Variants in AFF2 observed in about 807,000 individuals in gnomAD.
AFF2 encodes the protein ALF transcription elongation factor 2.
A neutral mutation model predicts 76.9 loss-of-function variants in AFF2; 14 were observed. The ratio of observed to expected loss-of-function variants is 0.18; its 90% confidence interval spans 0.12 to 0.28. The LOEUF (loss-of-function observed/expected upper bound fraction) is 0.28. AFF2 is among the 10% of genes least tolerant of loss of function. The probability of loss-of-function intolerance (pLI) is 1.00; values close to 1 mark genes in which losing one functional copy is unlikely to be tolerated. For synonymous variants in AFF2, 398 were observed against 366.7 expected, an observed-to-expected ratio of 1.09 and a Z score of -0.98; for missense variants, 868 against 1,001.1, an observed-to-expected ratio of 0.87 and a Z score of 1.79.
chrX:148,967,571 G>C (rs2124388025), intron 14 of AFF2, 58 bp from the exon 15 acceptor site: 1 of 1,040,398 alleles, frequency 9.6e-7, no homozygotes, highest in East Asian at 3.0e-5. Context: ...TGATGATTCA[G>C]TCTTTTACTG....
chrX:148,804,118 G>A (rs1557271137), intron 3 of AFF2, among the ~76,000 whole-genome samples: 1 of 111,816 alleles, frequency 8.9e-6, no homozygotes, highest in Non-Finnish European at 1.9e-5. Flanking sequence ...AAGTGCTGAT[G>A]GAGACTTAAC....
chrX:148,912,709 A>G (rs1233234362), intron 9 of AFF2, among the ~76,000 whole-genome samples: 1 of 112,145 alleles, frequency 8.9e-6, no homozygotes, highest in African/African-American at 3.2e-5. Context: ...TGTGGCTCCT[A>G]TGTCTCTTTT....
chrX:148,556,656 T>A (rs2053055611), intron 1 of AFF2, among the ~76,000 whole-genome samples: 1 of 112,501 alleles, frequency 8.9e-6, no homozygotes, highest in South Asian at 3.6e-4. Context: ...AGATAAGAAG[T>A]TGACTTGCTA....
chrX:148,711,359 G>A (rs966952332), intron 3 of AFF2, among the ~76,000 whole-genome samples: 5 of 111,800 alleles, frequency 4.5e-5, no homozygotes, highest in Non-Finnish European at 9.4e-5. Flanking sequence ...ACATTATTAT[G>A]TATGACAGAC....
At chrX:148,637,130 A>G (rs1259359608) in intron 1 of AFF2, among the ~76,000 whole-genome samples, 4 of 111,987 alleles carry the variant, frequency 3.6e-5, no homozygotes, top group East Asian at 2.8e-4. Context: ...GTGATGCTCA[A>G]TTGGGTCTTA....
intron 1 of AFF2, among the ~76,000 whole-genome samples, chrX:148,588,503 T>A (rs781900607): frequency 2.0e-4 from 22 of 111,984 alleles, no homozygotes; most frequent in African/African-American, 6.8e-4. Flanking sequence ...GTTTGCGGAG[T>A]CGTTCAGTGA....
rs140911348 is a variant in AFF2 at position 148,977,614 on chromosome X, G to GACACAC, written c.3405-280_3405-275dup. On this transcript the variant is annotated intron_variant, in intron 16 of 20. Transcript: ENST00000370460. ...AGAAACAGTATTTTACCAGCATTTA[G>GACACAC]ACACACACACACACACACACACACA... Among the ~76,000 whole-genome samples the GACACAC allele has an allele frequency of 6.7e-3, 624 of 92,726 alleles. 7 individuals carry two copies. The highest frequency in any genetic ancestry group is 0.024 in the African/African-American group (592 of 24,613). 80.5% of individuals were successfully genotyped at this position (92,726 alleles called of 115,157 possible).
intron 9 of AFF2, among the ~76,000 whole-genome samples, chrX:148,943,828 A>C (rs1283755661): frequency 1.8e-5 from 2 of 111,927 alleles, no homozygotes; most frequent in African/African-American, 6.5e-5. Flanking sequence ...CATTTTACAG[A>C]ATATGTGGTT....
intron 1 of AFF2, among the ~76,000 whole-genome samples, chrX:148,503,047 C>T (rs1008853219): frequency 8.9e-6 from 1 of 112,245 alleles, no homozygotes; most frequent in South Asian, 3.7e-4. Flanking sequence ...TAGACTTGGA[C>T]ACTTCGTGAA....
intron 3 of AFF2, among the ~76,000 whole-genome samples, chrX:148,804,609 C>T (rs2070103078): frequency 8.9e-6 from 1 of 112,322 alleles, no homozygotes; most frequent in Non-Finnish European, 1.9e-5. Context: ...AAAAACTGGC[C>T]AGAAGCAGTA....
intron 3 of AFF2, among the ~76,000 whole-genome samples, chrX:148,695,612 A>C (rs1402135069): frequency 8.9e-6 from 1 of 112,515 alleles, no homozygotes; most frequent in Non-Finnish European, 1.9e-5. Context: ...ATAAACATAA[A>C]AAAGAAAAAA....
At chrX:148,573,865 G>A (rs1212265727) in intron 1 of AFF2, among the ~76,000 whole-genome samples, 1 of 111,238 alleles carries the variant, frequency 9.0e-6, no homozygotes, top group African/African-American at 3.3e-5. Context: ...AGTATTAGCG[G>A]TCATGTTCCG....
intron 3 of AFF2, among the ~76,000 whole-genome samples, chrX:148,698,369 A>G (rs2054746323): frequency 8.9e-6 from 1 of 112,476 alleles, no homozygotes; most frequent in Admixed American, 9.4e-5. Flanking sequence ...GTGGCTTGTA[A>G]TAAAATAGCC....
chrX:148,539,797 A>C (rs1419249406), intron 1 of AFF2, among the ~76,000 whole-genome samples: 1 of 111,491 alleles, frequency 9.0e-6, no homozygotes, highest in Non-Finnish European at 1.9e-5. Context: ...ATCTAGATTT[A>C]GTAAGCCCTA....
At chrX:148,761,956 TATATAGATATAG>T (rs56137519) in intron 3 of AFF2, among the ~76,000 whole-genome samples, 14,037 of 99,429 alleles carry the variant, frequency 0.14, 950 homozygotes, top group Non-Finnish European at 0.16. Flanking sequence ...TGTATGTGTG[TATATAGATATAG>T]ATATAGATAT....
At chrX:148,583,876 A>C (rs1223228016) in intron 1 of AFF2, among the ~76,000 whole-genome samples, 1 of 112,012 alleles carries the variant, frequency 8.9e-6, no homozygotes, top group Non-Finnish European at 1.9e-5. Flanking sequence ...GACACTATGG[A>C]AAGAAGCCTA....
At chrX:148,942,316 G>A (rs2071846259) in intron 9 of AFF2, among the ~76,000 whole-genome samples, 1 of 109,980 alleles carries the variant, frequency 9.1e-6, no homozygotes, top group African/African-American at 3.3e-5. Context: ...ATAACAATCA[G>A]AAATAAAACT....
intron 1 of AFF2, among the ~76,000 whole-genome samples, chrX:148,605,909 ATC>A (rs1280618986): frequency 8.9e-6 from 1 of 112,160 alleles, no homozygotes; most frequent in Non-Finnish European, 1.9e-5. Flanking sequence ...GAATATCAAA[ATC>A]TATGGATGAA....
chrX:148,743,410 G>C (rs2055384133), intron 3 of AFF2, among the ~76,000 whole-genome samples: 1 of 112,052 alleles, frequency 8.9e-6, no homozygotes, highest in African/African-American at 3.2e-5. Context: ...TTTAAATATA[G>C]CATAGGAGCT....
Sources: gnomAD v4.1 joint callset for allele counts (sites outside exome capture counted in the v4.1 genomes callset) on GRCh38, gnomAD v4.1.1 for gene constraint, MANE v1.5 for transcripts, NCBI Gene and HGNC (gene_info 2026-07-23, HGNC 2026-07-21) for gene names.